RAPGEF6: variants seen among roughly 807,000 people sequenced by gnomAD.
RAPGEF6 encodes PDZ domain containing guanine nucleotide exchange factor (GEF) 2.
RAPGEF6 carries 56 observed loss-of-function variants against 171.4 expected under a neutral mutation model. The observed-to-expected ratio is 0.33, with a 90% CI of 0.26 to 0.41. The LOEUF is 0.41. Ranked by LOEUF, RAPGEF6 falls within the 10% of genes least tolerant of loss-of-function variation. RAPGEF6 has a pLI of 1.00. For synonymous variants in RAPGEF6, 692 were observed against 650.1 expected, an observed-to-expected ratio of 1.06 and a Z score of -0.98; for missense variants, 1,674 against 1,921.4, an observed-to-expected ratio of 0.87 and a Z score of 2.41.
intron 24 of RAPGEF6, among the ~76,000 whole-genome samples, chr5:131,434,637 T>C (rs1244295014): frequency 1.3e-5 from 2 of 152,376 alleles, no homozygotes; most frequent in South Asian, 2.1e-4. Context: ...GCTGAGTGGA[T>C]ACATGTTTAA....
rs778138914 is a variant in RAPGEF6 at position 131,539,151 on chromosome 5, T to C, written c.495+8896A>G. 5.0e-4 allele frequency among the ~76,000 whole-genome samples: 76 copies of C among 152,166 alleles called. 1 individual carries two copies. Among genetic ancestry groups the C allele is most frequent in the Non-Finnish European group, 1.0e-4 (7 of 68,038 alleles). ...GTAGTGTGATCAGCATTCACTGTCTTATATACAAATAAGATTATCAAAGAT... is the reference window on the plus strand; with the variant it reads ...GTAGTGTGATCAGCATTCACTGTCTCATATACAAATAAGATTATCAAAGAT... On this transcript the variant is annotated intron_variant, in intron 6 of 27. Coordinates refer to ENST00000509018, the MANE Select transcript of RAPGEF6 (RefSeq NM_016340.6).
intron 1 of RAPGEF6, among the ~76,000 whole-genome samples, chr5:131,619,282 T>C (rs568384050): frequency 2.6e-5 from 4 of 151,774 alleles, no homozygotes; most frequent in African/African-American, 7.3e-5. Flanking sequence ...CATGGACACA[T>C]GGAGGGGAAC....
At chr5:131,579,948 C>T (rs1483591693) in intron 4 of RAPGEF6, among the ~76,000 whole-genome samples, 7 of 152,258 alleles carry the variant, frequency 4.6e-5, no homozygotes, top group South Asian at 2.1e-4. Flanking sequence ...AGACCCCACC[C>T]GACTCAGGAG....
chr5:131,565,567 GT>G (rs1761880682), intron 4 of RAPGEF6, among the ~76,000 whole-genome samples: 1 of 152,102 alleles, frequency 6.6e-6, no homozygotes, highest in African/African-American at 2.4e-5. Flanking sequence ...TAAGAACAAA[GT>G]TGAAATATTT....
chr5:131,505,302 A>G, intron 10 of RAPGEF6, 62 bp downstream of exon 10: 1 of 1,541,628 alleles, frequency 6.5e-7, no homozygotes, highest in East Asian at 2.3e-5. Flanking sequence ...TGAGGAAGAC[A>G]AAACAGGCTC....
intron 16 of RAPGEF6, among the ~76,000 whole-genome samples, chr5:131,475,799 C>G (rs780733360): frequency 6.6e-6 from 1 of 152,104 alleles, no homozygotes. Flanking sequence ...TTGGAATTAT[C>G]TATTCTTATC....
intron 6 of RAPGEF6, among the ~76,000 whole-genome samples, chr5:131,527,032 T>C (rs1410698053): frequency 2.0e-5 from 3 of 152,194 alleles, no homozygotes; most frequent in African/African-American, 7.2e-5. Context: ...TTGGTTCCTA[T>C]AGACAATATA....
At position 131,547,708 on chromosome 5, in the gene RAPGEF6, A is replaced by G. The variant is rs536648540; in HGVS notation, c.495+339T>C. The stretch of plus-strand genomic sequence containing the variant: ...TATTTTTAGTAGAGATGGGGGTTTC[A>G]CCATATTGGCCAGGCTGGTCTTGAA... On this transcript the variant is annotated intron_variant, in intron 6 of 27. Coordinates refer to ENST00000509018, the MANE Select transcript of RAPGEF6 (RefSeq NM_016340.6). 2.6e-5 allele frequency among the ~76,000 whole-genome samples: 4 copies of G among 151,810 alleles called. No homozygotes were observed. In the East Asian group the frequency reaches 5.8e-4, roughly 22 times the overall value.
At chr5:131,609,541 AT>A (rs1227532626) in intron 1 of RAPGEF6, among the ~76,000 whole-genome samples, 1 of 152,184 alleles carries the variant, frequency 6.6e-6, no homozygotes, top group African/African-American at 2.4e-5. Context: ...TTAATAGATG[AT>A]TAGACTGACC....
At chr5:131,625,811 CA>C (rs36057060) in intron 1 of RAPGEF6, among the ~76,000 whole-genome samples, 160 of 113,690 alleles carry the variant, frequency 1.4e-3, no homozygotes, top group African/African-American at 3.7e-3. Context: ...GACTCCGTCT[CA>C]AAAAAAAAAA....
Position 131,492,562 on chromosome 5 carries a change from G to C in RAPGEF6, c.1731+20C>G, listed in dbSNP as rs1561507813. Reference sequence around the variant, plus strand: ...TACTTTTAAGAAGGCTTGAATATAAGTGGTTGGTTATTTCCTTACCTGATC... The same window carrying C: ...TACTTTTAAGAAGGCTTGAATATAACTGGTTGGTTATTTCCTTACCTGATC... On this transcript the variant is annotated intron_variant, in intron 14 of 27. Coordinates refer to ENST00000509018, the MANE Select transcript of RAPGEF6 (RefSeq NM_016340.6). The C allele has an allele frequency of 1.2e-6, 2 of 1,609,742 alleles. No individual in the cohort carries two copies. Among genetic ancestry groups the C allele is most frequent in the Non-Finnish European group, 1.7e-6 (2 of 1,175,964 alleles).
rs144021532 is a variant in RAPGEF6 at position 131,603,329 on chromosome 5, T to C, written c.141-2A>G. On this transcript the variant is annotated splice_acceptor_variant, in intron 2 of 27. Coordinates refer to ENST00000509018, the MANE Select transcript of RAPGEF6 (RefSeq NM_016340.6). LOFTEE classifies it high-confidence loss of function. ...TAGCGTGCTCTTGCAGACATTAATC[T>C]ATTAAAAAAAAAAATTGAAGATTTT... 1.3e-6 allele frequency: 2 copies of C among 1,533,540 alleles called. No homozygotes were observed. The highest frequency in any genetic ancestry group is 1.4e-5 in the African/African-American group (1 of 71,014). The allele number at this position is 1,533,540 out of a possible 1,614,324, so 95.0% of individuals were successfully genotyped here. A position where few individuals can be genotyped will look rare whatever the true frequency, so the allele number is the denominator to read the frequency against.
Position 131,467,312 on chromosome 5 carries a change from G to A in RAPGEF6, c.2240-3031C>T, listed in dbSNP as rs191496364. Among the ~76,000 whole-genome samples, 12 of 152,296 alleles carry A rather than the reference G, an allele frequency of 7.9e-5. 1 individual carries two copies. The East Asian group carries it at 2.3e-3, about 29-fold the overall frequency. ...TAAGATTGATTCAGGTATCACACAT[G>A]GGTGCCTTTAGAACAGATTCATAAA... On this transcript the variant is annotated intron_variant, in intron 17 of 27. Transcript: ENST00000509018.
chr5:131,571,776 T>G (rs1762304470), intron 4 of RAPGEF6, among the ~76,000 whole-genome samples: 1 of 152,188 alleles, frequency 6.6e-6, no homozygotes, highest in African/African-American at 2.4e-5. Context: ...AAACAATTTT[T>G]ACGAAGTTGG....
chr5:131,601,206 A>G (rs1012628485), intron 3 of RAPGEF6, among the ~76,000 whole-genome samples: 2 of 152,046 alleles, frequency 1.3e-5, no homozygotes, highest in African/African-American at 2.4e-5. Flanking sequence ...CAACATGGTG[A>G]AACCCCATCT....
chr5:131,612,791 A>G (rs963289446), intron 1 of RAPGEF6, among the ~76,000 whole-genome samples: 1 of 152,188 alleles, frequency 6.6e-6, no homozygotes, highest in Non-Finnish European at 1.5e-5. Flanking sequence ...CTTATATCAT[A>G]TAATTTTCTC....
In RAPGEF6 at chr5:131,592,418, C is replaced by T; in HGVS notation, c.246G>A (p.Val82=). The change falls in exon 4 of 28, where the codon GTG becomes GTA. Residue 82 remains valine (V), a synonymous_variant. Coordinates refer to ENST00000509018, the MANE Select transcript of RAPGEF6 (RefSeq NM_016340.6). The part of the protein sequence containing the change: ...RCWYILLSGS[V]LVKGSMVLPP... ...GCAAGACCATGGAGCCTTTCACAAG[C>T]ACAGATCCAGAAAGTAGGATATACC... The T allele has an allele frequency of 6.2e-7, 1 of 1,613,934 alleles. No homozygotes were observed. The highest frequency in any genetic ancestry group is 8.5e-7 in the Non-Finnish European group (1 of 1,179,870).
chr5:131,438,296 A>C (rs2149810647), intron 24 of RAPGEF6, among the ~76,000 whole-genome samples: 1 of 152,342 alleles, frequency 6.6e-6, no homozygotes, highest in Admixed American at 6.5e-5. Flanking sequence ...CGTATAAATA[A>C]ATTACTTGTA....
intron 4 of RAPGEF6, among the ~76,000 whole-genome samples, chr5:131,587,851 T>G (rs897089327): frequency 2.6e-5 from 4 of 152,144 alleles, no homozygotes; most frequent in Non-Finnish European, 5.9e-5. Context: ...TCCTGCCCCC[T>G]ACCTGGAAGG....
Sources: gnomAD v4.1 joint callset for allele counts (sites outside exome capture counted in the v4.1 genomes callset) on GRCh38, gnomAD v4.1.1 for gene constraint, MANE v1.5 for transcripts, NCBI Gene and HGNC (gene_info 2026-07-23, HGNC 2026-07-21) for gene names.